Variants in PIGU observed in about 807,000 individuals in gnomAD.
PIGU encodes GPI-anchor transamidase component PIGU.
Under a neutral mutation model 49.9 loss-of-function variants are expected in PIGU, and 24 were observed. The observed-to-expected ratio is 0.48, with a 90% CI of 0.35 to 0.68. PIGU has a LOEUF of 0.68. PIGU is among the 30% of genes least tolerant of loss of function. PIGU has a pLI of 0.01. For missense variants in PIGU, 490 were observed against 532.6 expected, an observed-to-expected ratio of 0.92 and a Z score of 0.79; for synonymous variants, 220 against 205.7, an observed-to-expected ratio of 1.07 and a Z score of -0.59.
At chr20:34,674,947 GAAAA>G (rs71196750) in intron 1 of PIGU, among the ~76,000 whole-genome samples, 6 of 127,898 alleles carry the variant, frequency 4.7e-5, no homozygotes, top group South Asian at 2.6e-4. Context: ...GTCTCTTGAA[GAAAA>G]AAAAAAAAAA....
At chr20:34,587,438 A>T (rs189357483) in intron 8 of PIGU, among the ~76,000 whole-genome samples, 1 of 152,346 alleles carries the variant, frequency 6.6e-6, no homozygotes, top group African/African-American at 2.4e-5. Context: ...ATGTAGAATA[A>T]TTAAATCTAG....
At chr20:34,644,404 G>A (rs546110250) in intron 3 of PIGU, among the ~76,000 whole-genome samples, 178 bp from the exon 4 acceptor site, 1 of 152,294 alleles carries the variant, frequency 6.6e-6, no homozygotes, top group African/African-American at 2.4e-5. Flanking sequence ...TTCAGGCAGG[G>A]TGAACTGGAA....
chr20:34,673,253 CAAAAAAAAAAA>C (rs71282179), intron 1 of PIGU, among the ~76,000 whole-genome samples: 3 of 88,824 alleles, frequency 3.4e-5, no homozygotes, highest in African/African-American at 1.3e-4. Flanking sequence ...GACTCCGTCT[CAAAAAAAAAAA>C]AAAAAAAAAT....
chr20:34,637,834 G>T, intron 5 of PIGU, 42 bp downstream of exon 5: 1 of 1,591,848 alleles, frequency 6.3e-7, no homozygotes. Context: ...GATTTTCCTC[G>T]CATTTGTTGG....
At chr20:34,627,054 A>G (rs1247731972) in intron 6 of PIGU, among the ~76,000 whole-genome samples, 2 of 152,196 alleles carry the variant, frequency 1.3e-5, no homozygotes, top group Admixed American at 6.5e-5. Flanking sequence ...AGTGGTTCAG[A>G]GACCTAGCTA....
intron 2 of PIGU, among the ~76,000 whole-genome samples, chr20:34,647,407 G>A (rs553369570): frequency 1.6e-4 from 24 of 151,916 alleles, no homozygotes; most frequent in Non-Finnish European, 2.5e-4. Context: ...GATTACAGCC[G>A]CGCGCCACCA....
chr20:34,612,630 T>C (rs918545777), intron 7 of PIGU, among the ~76,000 whole-genome samples: 2 of 151,366 alleles, frequency 1.3e-5, no homozygotes, highest in Non-Finnish European at 3.0e-5. Flanking sequence ...TTTTTTTTTT[T>C]TTTCTTTTTT....
Position 34,652,345 on chromosome 20 carries a change from C to T in PIGU, c.195+4835G>A, listed in dbSNP as rs148110979. Among the ~76,000 whole-genome samples, 421 of 152,270 alleles carry T rather than the reference C, an allele frequency of 2.8e-3. 1 individual carries two copies. Among genetic ancestry groups the T allele is most frequent in the African/African-American group, 9.6e-3 (400 of 41,548 alleles). On this transcript the variant is annotated intron_variant, in intron 2 of 11. Transcript: ENST00000217446. Reference sequence around the variant, plus strand: ...TTGACCTATGTATACATCCATAAAACCATTACAGTCAAGAAAGTGAACATA... The same window carrying T: ...TTGACCTATGTATACATCCATAAAATCATTACAGTCAAGAAAGTGAACATA...
chr20:34,631,422 A>G (rs972836001), intron 6 of PIGU, among the ~76,000 whole-genome samples: 3 of 152,020 alleles, frequency 2.0e-5, no homozygotes, highest in Admixed American at 2.0e-4. Flanking sequence ...CTCTAGAACT[A>G]AAGACACTAG....
At chr20:34,640,502 C>A (rs908211352) in intron 4 of PIGU, among the ~76,000 whole-genome samples, 1 of 22,198 alleles carries the variant, frequency 4.5e-5, no homozygotes, top group African/African-American at 8.3e-5. Flanking sequence ...CGCACGCGCA[C>A]ACACACACAC....
At chr20:34,659,241 G>C (rs1986837699) in intron 1 of PIGU, among the ~76,000 whole-genome samples, 1 of 106,806 alleles carries the variant, frequency 9.4e-6, no homozygotes, top group Non-Finnish European at 2.1e-5. Flanking sequence ...CGCCCCGTCC[G>C]GGAGGGAGGT....
intron 7 of PIGU, among the ~76,000 whole-genome samples, chr20:34,612,678 C>T (rs1158863845): frequency 1.4e-5 from 2 of 147,272 alleles, no homozygotes; most frequent in African/African-American, 2.5e-5. Flanking sequence ...GGCTGGAATG[C>T]GGTGGTGCGA....
intron 1 of PIGU, 71 bp from the exon 2 acceptor site, chr20:34,657,315 A>G (rs1986734268): frequency 8.6e-7 from 1 of 1,156,790 alleles, no homozygotes; most frequent in African/African-American, 1.5e-5. Flanking sequence ...AGATACCCCC[A>G]CAACCAAAAA....
intron 8 of PIGU, among the ~76,000 whole-genome samples, chr20:34,587,126 T>G (rs777677965): frequency 2.7e-4 from 41 of 152,202 alleles, no homozygotes; most frequent in Non-Finnish European, 5.1e-4. Flanking sequence ...TGGCATCACC[T>G]GGAAACCGGA....
At chr20:34,658,708 T>C (rs867604083) in intron 1 of PIGU, among the ~76,000 whole-genome samples, 63 of 146,176 alleles carry the variant, frequency 4.3e-4, no homozygotes, top group Middle Eastern at 4.0e-3. Flanking sequence ...GAGGAGACCC[T>C]CTGCCTGACA....
At chr20:34,592,383 C>G (rs988399500) in intron 7 of PIGU, among the ~76,000 whole-genome samples, 2 of 148,680 alleles carry the variant, frequency 1.3e-5, no homozygotes, top group Non-Finnish European at 3.0e-5. Flanking sequence ...AAAACCAAAT[C>G]TAGTTCTTAG....
chr20:34,602,372 G>A (rs143419810), intron 7 of PIGU, among the ~76,000 whole-genome samples: 2 of 150,098 alleles, frequency 1.3e-5, no homozygotes, highest in Non-Finnish European at 3.0e-5. Context: ...CGAGGTGGGC[G>A]GATGACTTGA....
At chr20:34,650,007 C>T (rs1986479557) in intron 2 of PIGU, among the ~76,000 whole-genome samples, 1 of 151,864 alleles carries the variant, frequency 6.6e-6, no homozygotes, top group Non-Finnish European at 1.5e-5. Context: ...CGCCACCATG[C>T]CTGGCTACTT....
At chr20:34,613,712 A>T (rs1302639985) in intron 7 of PIGU, among the ~76,000 whole-genome samples, 1 of 152,258 alleles carries the variant, frequency 6.6e-6, no homozygotes, top group Admixed American at 6.5e-5. Flanking sequence ...CAAGCAGCAC[A>T]TTGTTATGTG....
Sources: gnomAD v4.1 joint callset for allele counts (sites outside exome capture counted in the v4.1 genomes callset) on GRCh38, gnomAD v4.1.1 for gene constraint, MANE v1.5 for transcripts, NCBI Gene and HGNC (gene_info 2026-07-23, HGNC 2026-07-21) for gene names.